The following MYO1B variants were observed in gnomAD, a reference collection of about 807,000 sequenced individuals.
The protein encoded by MYO1B is myosin IB, also known as unconventional myosin-Ib.
MYO1B carries 72 observed loss-of-function variants against 159.7 expected under a neutral mutation model. That is an observed-to-expected ratio of 0.45 (90% CI 0.37 to 0.55). The LOEUF is 0.55. Ranked by LOEUF, MYO1B falls within the 20% of genes least tolerant of loss-of-function variation. The pLI is 0.00. For synonymous variants in MYO1B, 468 were observed against 473.8 expected (o/e 0.99, Z 0.16); for missense variants, 1,062 against 1,364.8 (o/e 0.78, Z 3.50).
At chr2:191,382,181 G>T (rs1695080868) in intron 14 of MYO1B, among the ~76,000 whole-genome samples, 1 of 151,810 alleles carries the variant, frequency 6.6e-6, no homozygotes, top group Non-Finnish European at 1.5e-5. Flanking sequence ...AAAATAAAAA[G>T]GAATTGTTAT....
chr2:191,290,058 G>A (rs1688605969), intron 2 of MYO1B, among the ~76,000 whole-genome samples: 1 of 152,048 alleles, frequency 6.6e-6, no homozygotes, highest in African/African-American at 2.4e-5. Flanking sequence ...ATATATCCTT[G>A]TCATCAAAAA....
At chr2:191,292,604 A>G (rs1688748587) in intron 2 of MYO1B, among the ~76,000 whole-genome samples, 1 of 151,960 alleles carries the variant, frequency 6.6e-6, no homozygotes, top group African/African-American at 2.4e-5. Flanking sequence ...TTCTTATCAG[A>G]CTTAAGGTCT....
At chr2:191,298,734 T>C (rs1689133013) in intron 3 of MYO1B, among the ~76,000 whole-genome samples, 1 of 152,244 alleles carries the variant, frequency 6.6e-6, no homozygotes, top group South Asian at 2.1e-4. Context: ...AAATACTTTA[T>C]ACGTTTTATA....
Position 191,296,121 on chromosome 2 carries a change from G to T in MYO1B, c.146G>T (p.Gly49Val). Residue 49 changes from glycine to valine, a missense_variant, in exon 3 of 31, where the codon GGA (glycine) becomes GTA (valine). Gly to Val is a moderately radical substitution (Grantham distance 109, BLOSUM62 -3). This residue lies in a region of MYO1B where 415 missense variants were observed against 544.0 expected (regional missense o/e 0.76). Transcript: ENST00000392318. ...FDHSEIYTYI[G>V]SVVISVNPYR... ...TTCTTTCTTTTGCAGACATACATTGGAAGTGTGGTTATATCTGTTAACCCA... is the reference window on the plus strand; with the variant it reads ...TTCTTTCTTTTGCAGACATACATTGTAAGTGTGGTTATATCTGTTAACCCA... 1 of 1,581,402 alleles carries T rather than the reference G, an allele frequency of 6.3e-7. No homozygotes were observed. Among genetic ancestry groups the T allele is most frequent in the Non-Finnish European group, 8.6e-7 (1 of 1,158,166 alleles).
chr2:191,294,689 CA>C (rs1406787280), intron 2 of MYO1B, among the ~76,000 whole-genome samples: 1 of 147,622 alleles, frequency 6.8e-6, no homozygotes, highest in African/African-American at 2.7e-5. Flanking sequence ...TGAAAAATTG[CA>C]TGGGAACTGA....
chr2:191,348,598 T>C (rs928104795), intron 6 of MYO1B, among the ~76,000 whole-genome samples: 4 of 150,298 alleles, frequency 2.7e-5, no homozygotes, highest in African/African-American at 9.7e-5. Context: ...CTTTTTTTTT[T>C]CCTCTCTCAT....
chr2:191,311,927 ACAC>A (rs1690023858), intron 3 of MYO1B, among the ~76,000 whole-genome samples: 1 of 151,942 alleles, frequency 6.6e-6, no homozygotes, highest in Non-Finnish European at 1.5e-5. Context: ...ATGATATATA[ACAC>A]TTTGAACATT....
intron 3 of MYO1B, among the ~76,000 whole-genome samples, chr2:191,318,050 G>A (rs1300938233): frequency 6.6e-6 from 1 of 152,114 alleles, no homozygotes; most frequent in Non-Finnish European, 1.5e-5. Flanking sequence ...CACTGTGCTA[G>A]GCACTAGATG....
At chr2:191,345,937 C>T (rs71414930) in intron 5 of MYO1B, among the ~76,000 whole-genome samples, 1 of 152,100 alleles carries the variant, frequency 6.6e-6, no homozygotes, top group Non-Finnish European at 1.5e-5. Context: ...CAATTGACTA[C>T]TCTCTAGAAG....
At chr2:191,312,838 G>A (rs896238923) in intron 3 of MYO1B, among the ~76,000 whole-genome samples, 2 of 152,212 alleles carry the variant, frequency 1.3e-5, no homozygotes, top group Non-Finnish European at 2.9e-5. Context: ...CCTCACTTTG[G>A]AGACCTGGCA....
At chr2:191,349,384 T>TA (rs1265152822) in intron 6 of MYO1B, among the ~76,000 whole-genome samples, 5 of 152,238 alleles carry the variant, frequency 3.3e-5, no homozygotes, top group African/African-American at 1.2e-4. Flanking sequence ...ATTAATGAGT[T>TA]AAAGTAATTC....
chr2:191,366,151 G>A (rs12619838), intron 11 of MYO1B, among the ~76,000 whole-genome samples: 15,980 of 152,120 alleles, frequency 0.11, 1,973 homozygotes, highest in African/African-American at 0.29. Context: ...AAAAGCCTGT[G>A]TTGTTTAAGA....
intron 3 of MYO1B, among the ~76,000 whole-genome samples, chr2:191,328,188 T>A (rs1327531562): frequency 2.0e-5 from 3 of 152,198 alleles, no homozygotes. Flanking sequence ...CAATTGTGAA[T>A]CCTAGGACAC....
intron 13 of MYO1B, among the ~76,000 whole-genome samples, chr2:191,370,753 G>A (rs1694314509): frequency 6.6e-6 from 1 of 152,232 alleles, no homozygotes; most frequent in African/African-American, 2.4e-5. Flanking sequence ...CCTTGCCAGG[G>A]CTGGTCATTT....
At chr2:191,280,070 T>C (rs1687967536) in intron 2 of MYO1B, among the ~76,000 whole-genome samples, 1 of 152,118 alleles carries the variant, frequency 6.6e-6, no homozygotes, top group African/African-American at 2.4e-5. Flanking sequence ...AAATGAAAAA[T>C]AGTCTGTATC....
At chr2:191,263,245 T>G (rs1686931355) in intron 1 of MYO1B, 1 of 838,860 alleles carries the variant, frequency 1.2e-6, no homozygotes, top group African/African-American at 1.8e-5. Context: ...TGACCTACTT[T>G]CCCCTTCTTA....
chr2:191,406,297 ACTTC>A (rs1574629119), intron 24 of MYO1B, among the ~76,000 whole-genome samples: 1 of 152,240 alleles, frequency 6.6e-6, no homozygotes, highest in East Asian at 1.9e-4. Flanking sequence ...AAGCTGTTTC[ACTTC>A]CTTATCATTT....
chr2:191,368,881 C>T (rs1161621497), intron 11 of MYO1B, among the ~76,000 whole-genome samples: 3 of 151,928 alleles, frequency 2.0e-5, no homozygotes, highest in South Asian at 2.1e-4. Context: ...GGCTGAGGCA[C>T]GAAAATCCCT....
rs1408229229 is a variant in MYO1B, at chr2:191,346,289, A to G, written c.498+7A>G. The G allele has an allele frequency of 2.6e-6, 4 of 1,562,404 alleles. No individual in the cohort carries two copies. The highest frequency in any genetic ancestry group is 1.4e-5 in the African/African-American group (1 of 73,638). Reference sequence around the variant, plus strand: ...TGACAACTCCTCTAGATTTGTAAGTATTTGTATAAGCATAAGTGTTAACAC... The same window carrying G: ...TGACAACTCCTCTAGATTTGTAAGTGTTTGTATAAGCATAAGTGTTAACAC... On this transcript the variant is annotated splice_region_variant and intron_variant, in intron 6 of 30. Transcript: ENST00000392318.
Sources: allele counts gnomAD v4.1 joint callset (sites outside exome capture counted in the v4.1 genomes callset), GRCh38; gene constraint gnomAD v4.1.1; regional missense constraint gnomAD v4.1.1; transcripts MANE v1.5; gene names NCBI Gene and HGNC (gene_info 2026-07-23, HGNC 2026-07-21).